Variants in FAM83G observed in about 807,000 individuals in gnomAD.
FAM83G encodes scaffolding CK1 anchoring protein G.
FAM83G carries 38 observed loss-of-function variants against 61.5 expected under a neutral mutation model. The observed-to-expected ratio is 0.62, with a 90% CI of 0.48 to 0.81. The LOEUF is 0.81. Among genes scored for constraint, FAM83G ranks in the 30% least tolerant of loss-of-function variants. The pLI is 0.00. For synonymous variants in FAM83G, 470 were observed against 476.1 expected (o/e 0.99, Z 0.17); for missense variants, 989 against 1,133.6 (o/e 0.87, Z 1.83).
rs1395810847 is a variant in FAM83G at position 18,970,406 on chromosome 17, A to G, written c.*953T>C. 1.3e-5 allele frequency: 2 copies of G among 155,656 alleles called. No homozygotes were observed. Among genetic ancestry groups the G allele is most frequent in the East Asian group, 1.9e-4 (1 of 5,234 alleles). The allele number at this position is 155,656 out of a possible 1,614,324, so 9.6% of individuals were successfully genotyped here. A position where few individuals can be genotyped will look rare whatever the true frequency, so the allele number is the denominator to read the frequency against. ...CCATGCCGGGCCCTGACCCCGAGGT[A>G]GACAGGAACAGTGAGGTGTTTTGGA... On this transcript the variant is annotated 3_prime_UTR_variant, in exon 6 of 6. Coordinates refer to ENST00000388995, the MANE Select transcript of FAM83G (RefSeq NM_001039999.3).
At chr17:19,005,953 C>T (rs565430764), upstream of FAM83G, among the ~76,000 whole-genome samples, 2 of 152,328 alleles carry the variant, frequency 1.3e-5, no homozygotes, top group Admixed American at 1.3e-4. Flanking sequence ...CCATTTATAG[C>T]CCCTCTGCTA....
rs1479989464 is a variant in FAM83G, at chr17:18,970,958, G to A, written c.*401C>T. 1.1e-5 allele frequency: 17 copies of A among 1,534,376 alleles called. No individual in the cohort carries two copies. The Admixed American group carries it at 1.5e-4, about 14-fold the overall frequency. ...GAGATGAAGGCAGGGGGGAGCCCAG[G>A]GAGTCAGGGCCCCGCAACCACCAAA... On this transcript the variant is annotated 3_prime_UTR_variant, in exon 6 of 6. Coordinates refer to ENST00000388995, the MANE Select transcript of FAM83G (RefSeq NM_001039999.3).
chr17:18,982,351 G>A (rs897600282), intron 3 of FAM83G, among the ~76,000 whole-genome samples: 4 of 152,216 alleles, frequency 2.6e-5, no homozygotes, highest in Admixed American at 6.5e-5. Flanking sequence ...CCACCCCACG[G>A]GGCCTGGCCT....
In FAM83G at chr17:18,978,328, G is replaced by C. The variant is rs1474901605; in HGVS notation, c.1338C>G (p.Arg446=). 1.9e-6 allele frequency: 3 copies of C among 1,607,578 alleles called. No homozygotes were observed. The highest frequency in any genetic ancestry group is 1.7e-6 in the Non-Finnish European group (2 of 1,177,302). ...IWNPQPSQMN[R]IKIRDTSQAS... ...CCTGGGAGGTGTCACGGATCTTGAT[G>C]CGGTTCATCTGGCTGGGCTGGGGGT... Residue 446 remains arginine (R), a synonymous_variant, in exon 5 of 6, where the codon CGC becomes CGG. Coordinates refer to ENST00000388995, the MANE Select transcript of FAM83G (RefSeq NM_001039999.3).
At chr17:18,991,634 A>G (rs566737998) in intron 2 of FAM83G, among the ~76,000 whole-genome samples, 1 of 152,330 alleles carries the variant, frequency 6.6e-6, no homozygotes, top group Non-Finnish European at 1.5e-5. Context: ...GGAACCAGCC[A>G]TGTCCATGTG....
intron 5 of FAM83G, chr17:18,976,187 C>CAAAAAAAAAAAAAAAAAAAAA (rs58133737): frequency 2.8e-5 from 3 of 108,478 alleles, no homozygotes; most frequent in East Asian, 5.6e-4. Flanking sequence ...GACTCCGACT[C>CAAAAAAAAAAAAAAAAAAAAA]AAAAAAAAAG....
chr17:18,981,527 G>A (rs1373243127), intron 3 of FAM83G, among the ~76,000 whole-genome samples: 1 of 152,176 alleles, frequency 6.6e-6, no homozygotes, highest in Non-Finnish European at 1.5e-5. Context: ...CTATGGGAGA[G>A]GAGGGGAGCC....
At chr17:18,976,960 C>T (rs781569572) in intron 5 of FAM83G, 33 of 1,612,940 alleles carry the variant, frequency 2.0e-5, no homozygotes, top group African/African-American at 8.0e-5. Flanking sequence ...ATCATCATGC[C>T]GGGCATGATC....
intron 5 of FAM83G, among the ~76,000 whole-genome samples, chr17:18,974,694 G>A (rs2042936676): frequency 6.6e-6 from 1 of 152,242 alleles, no homozygotes; most frequent in Non-Finnish European, 1.5e-5. Context: ...ACATTCACCG[G>A]AGGCCCTTGA....
intron 3 of FAM83G, among the ~76,000 whole-genome samples, chr17:18,980,043 G>A (rs1442122401): frequency 6.6e-6 from 1 of 152,206 alleles, no homozygotes; most frequent in African/African-American, 2.4e-5. Context: ...TCCTGAGCGG[G>A]AGGGTGATGT....
At chr17:19,005,621 G>A (rs1487775993), upstream of FAM83G, among the ~76,000 whole-genome samples, 1 of 151,920 alleles carries the variant, frequency 6.6e-6, no homozygotes. Context: ...GTAGGCTGGT[G>A]ACATCTCTAG....
intron 2 of FAM83G, among the ~76,000 whole-genome samples, chr17:18,990,628 C>T (rs2043394279): frequency 6.6e-6 from 1 of 152,230 alleles, no homozygotes; most frequent in Non-Finnish European, 1.5e-5. Flanking sequence ...GGCAGGGTGC[C>T]TGATCCAGGG....
At chr17:18,998,045 A>G (rs187670631) in intron 2 of FAM83G, among the ~76,000 whole-genome samples, 1 of 152,366 alleles carries the variant, frequency 6.6e-6, no homozygotes, top group East Asian at 1.9e-4. Flanking sequence ...CCTGGGTCCC[A>G]GTGATACGGA....
intron 5 of FAM83G, among the ~76,000 whole-genome samples, chr17:18,973,305 G>A (rs1204235954): frequency 1.3e-5 from 2 of 152,264 alleles, no homozygotes; most frequent in East Asian, 1.9e-4. Flanking sequence ...ACATGTCCTG[G>A]CCTTGGGGTC....
chr17:18,989,718 C>A (rs2043363524), intron 2 of FAM83G, among the ~76,000 whole-genome samples: 2 of 152,240 alleles, frequency 1.3e-5, no homozygotes, highest in East Asian at 1.9e-4. Flanking sequence ...CGCACGTTCC[C>A]ATTTACAGGG....
At chr17:19,002,819 G>A (rs1037891918) in intron 2 of FAM83G, among the ~76,000 whole-genome samples, 4 of 152,190 alleles carry the variant, frequency 2.6e-5, no homozygotes, top group African/African-American at 9.7e-5. Flanking sequence ...CCCAACAGGG[G>A]TGGAGAAGGG....
At chr17:18,990,691 C>A (rs1222283679) in intron 2 of FAM83G, among the ~76,000 whole-genome samples, 16 of 152,232 alleles carry the variant, frequency 1.1e-4, no homozygotes, top group Non-Finnish European at 1.5e-5. Context: ...AAATGGATCC[C>A]CCCACAGTCC....
chr17:18,986,620 C>T (rs148603051), intron 3 of FAM83G, among the ~76,000 whole-genome samples: 97 of 152,358 alleles, frequency 6.4e-4, no homozygotes, highest in Admixed American at 1.5e-3. Flanking sequence ...CTGCAAGCAG[C>T]GGAGCAGCCA....
rs775824432 is a variant in FAM83G at position 18,969,989 on chromosome 17, C to G, written c.*1370G>C. 6.6e-6 allele frequency: 1 copy of G among 152,504 alleles called. No homozygotes were observed. The highest frequency in any genetic ancestry group is 1.5e-5 in the Non-Finnish European group (1 of 68,226). The allele number at this position is 152,504 out of a possible 1,614,324, so 9.4% of individuals were successfully genotyped here. On this transcript the variant is annotated 3_prime_UTR_variant, in exon 6 of 6. Transcript: ENST00000388995. Reference sequence around the variant, plus strand: ...TGTAAGCAGAGCCAGGAGGATCCCTCAGAGAGTGAACAAATCTCTAAAGAC... The same window carrying G: ...TGTAAGCAGAGCCAGGAGGATCCCTGAGAGAGTGAACAAATCTCTAAAGAC...
Sources: gnomAD v4.1 joint callset for allele counts (sites outside exome capture counted in the v4.1 genomes callset) on GRCh38, gnomAD v4.1.1 for gene constraint, MANE v1.5 for transcripts, NCBI Gene and HGNC (gene_info 2026-07-23, HGNC 2026-07-21) for gene names.